The following RNF17 variants were observed in gnomAD, a reference collection of about 807,000 sequenced individuals.
The protein encoded by RNF17 is spermatogenesis associated 23.
In RNF17, 31 loss-of-function variants were observed where a neutral mutation model predicts 200.5. That is an observed-to-expected ratio of 0.15 (90% CI 0.12 to 0.21). The LOEUF is 0.21. Ranked by LOEUF, RNF17 falls within the 10% of genes least tolerant of loss-of-function variation. The pLI is 1.00. For missense variants in RNF17, 1,628 were observed against 1,905.1 expected, an observed-to-expected ratio of 0.85 and a Z score of 2.71; for synonymous variants, 606 against 637.8, an observed-to-expected ratio of 0.95 and a Z score of 0.75.
intron 25 of RNF17, among the ~76,000 whole-genome samples, chr13:24,856,844 T>C (rs972581762): frequency 6.6e-6 from 1 of 152,250 alleles, no homozygotes; most frequent in Non-Finnish European, 1.5e-5. Flanking sequence ...CTTGTTTTTC[T>C]TTAGGTGTAT....
At chr13:24,864,257 T>A (rs1222587074) in intron 28 of RNF17, among the ~76,000 whole-genome samples, 1 of 151,998 alleles carries the variant, frequency 6.6e-6, no homozygotes, top group Admixed American at 6.6e-5. Flanking sequence ...GAGGGAATGG[T>A]AAGAAGAGAT....
the RNF17 span, among the ~76,000 whole-genome samples, chr13:24,749,225 G>C: frequency 6.6e-6 from 1 of 151,932 alleles, no homozygotes; most frequent in South Asian, 2.1e-4. Context: ...GCAATATACA[G>C]GATTCCAGCT....
At position 24,830,688 on chromosome 13, in the gene RNF17, G is replaced by A. The variant is rs1027929590; in HGVS notation, c.2361+89G>A. On this transcript the variant is annotated intron_variant, in intron 17 of 35. Transcript: ENST00000255324. The stretch of plus-strand genomic sequence containing the variant: ...AGCTATTGTCATCATAGAAATGTTA[G>A]TGTCCCTTTTTGTCTAGTTGCTGAT... 7.4e-6 allele frequency: 7 copies of A among 945,346 alleles called. No individual in the cohort carries two copies. The Admixed American group carries it at 1.5e-4, about 21-fold the overall frequency. The allele number at this position is 945,346 out of a possible 1,614,324, so 58.6% of individuals were successfully genotyped here.
chr13:24,793,169 A>G lies in RNF17; in HGVS notation c.1063A>G (p.Ser355Gly). 6.2e-7 allele frequency: 1 copy of G among 1,614,102 alleles called. No homozygotes were observed. The highest frequency in any genetic ancestry group is 8.5e-7 in the Non-Finnish European group (1 of 1,179,968). The stretch of plus-strand genomic sequence containing the variant: ...AAAGGTTGACATGTCTGTCCTAACC[A>G]GTGAAGCACCACCACCTCCTTTGCA... ...KKKVDMSVLT[S>G]EAPPPPLQPE... Residue 355 changes from serine (S) to glycine (G), a missense_variant, in exon 10 of 36, where the codon AGT (serine) becomes GGT (glycine). By Grantham distance (56) the Ser-to-Gly change is moderately conservative. Coordinates refer to ENST00000255324, the MANE Select transcript of RNF17 (RefSeq NM_031277.3).
rs139736131 is a variant in RNF17 at position 24,843,194 on chromosome 13, C to T, written c.2604-550C>T. ...TTCCACTATAGGTCTCAAATGAGAGCGGAAAAGAAATGAGAATAAACATTC... is the reference window on the plus strand; with the variant it reads ...TTCCACTATAGGTCTCAAATGAGAGTGGAAAAGAAATGAGAATAAACATTC... On this transcript the variant is annotated intron_variant, in intron 19 of 35. Coordinates refer to ENST00000255324, the MANE Select transcript of RNF17 (RefSeq NM_031277.3). 2.4e-3 allele frequency among the ~76,000 whole-genome samples: 367 copies of T among 152,010 alleles called. 1 individual carries two copies. Among genetic ancestry groups the T allele is most frequent in the African/African-American group, 7.4e-3 (305 of 41,442 alleles).
chr13:24,805,848 C>T (rs947013874), intron 15 of RNF17, among the ~76,000 whole-genome samples: 1 of 152,030 alleles, frequency 6.6e-6, no homozygotes, highest in South Asian at 2.1e-4. Context: ...TTCTCCACAC[C>T]CTCATGAACA....
chr13:24,809,311 C>T (rs1160919804), intron 15 of RNF17, among the ~76,000 whole-genome samples: 1 of 151,786 alleles, frequency 6.6e-6, no homozygotes, highest in African/African-American at 2.4e-5. Flanking sequence ...TGATTATTGC[C>T]ACAATTTCAG....
downstream of RNF17, among the ~76,000 whole-genome samples, chr13:24,881,963 TAGATATATAGATACATCTAG>T (rs1953856289): frequency 4.0e-4 from 1 of 2,488 alleles, no homozygotes. Flanking sequence ...TAGATACATC[TAGATATATAGATACATCTAG>T]ATATATAGAT....
chr13:24,877,970 CCT>C (rs1199413078), intron 34 of RNF17, among the ~76,000 whole-genome samples: 1 of 152,122 alleles, frequency 6.6e-6, no homozygotes, highest in Non-Finnish European at 1.5e-5. Context: ...TATTTCTGGC[CCT>C]GATTAGATAT....
chr13:24,758,084 TG>T, the RNF17 span, among the ~76,000 whole-genome samples: 2 of 152,332 alleles, frequency 1.3e-5, no homozygotes, highest in African/African-American at 2.4e-5. Context: ...GAGGCCTCCC[TG>T]GAAGAATCCA....
rs35220494 is a variant in RNF17 at position 24,771,323 on chromosome 13, C to CTTTTTTTT, written c.226-3470_226-3463dup. Among the ~76,000 whole-genome samples, 327 of 77,998 alleles carry CTTTTTTTT rather than the reference C, an allele frequency of 4.2e-3. 40 individuals carry two copies. Among genetic ancestry groups the CTTTTTTTT allele is most frequent in the Middle Eastern group, 0.029 (3 of 104 alleles). The allele number at this position is 77,998 out of a possible 152,430, so 51.2% of individuals were successfully genotyped here. A position where few individuals can be genotyped will look rare whatever the true frequency, so the allele number is the denominator to read the frequency against. On this transcript the variant is annotated intron_variant, in intron 2 of 35. Transcript: ENST00000255324. ...GGGAGTACCACTGCACACAGATAAT[C>CTTTTTTTT]TTTTTTTTTTTTTTTTTTTTTTTTT...
chr13:24,772,526 A>C (rs906936237), intron 2 of RNF17, among the ~76,000 whole-genome samples: 16 of 151,094 alleles, frequency 1.1e-4, no homozygotes, highest in African/African-American at 3.4e-4. Context: ...TTTCTTGTTA[A>C]ATTTTCCTAA....
chr13:24,855,981 T>C (rs571221531), intron 25 of RNF17, among the ~76,000 whole-genome samples: 71 of 152,214 alleles, frequency 4.7e-4, no homozygotes, highest in Non-Finnish European at 8.8e-4. Flanking sequence ...TGAACACTTA[T>C]CCCTTCTTGG....
chr13:24,777,759 A>C (rs1016183564), intron 3 of RNF17, among the ~76,000 whole-genome samples: 1 of 152,222 alleles, frequency 6.6e-6, no homozygotes, highest in Non-Finnish European at 1.5e-5. Flanking sequence ...TTAAAACACA[A>C]TATATAAGCC....
chr13:24,881,153 CA>C (rs1367375939), downstream of RNF17, among the ~76,000 whole-genome samples: 4 of 151,070 alleles, frequency 2.6e-5, no homozygotes, highest in Non-Finnish European at 1.5e-5. Flanking sequence ...CATTTATCAA[CA>C]TTTTTTTTTT....
Position 24,824,192 on chromosome 13 carries a change from G to A in RNF17, c.2092-1427G>A, listed in dbSNP as rs764984166. 18 of 714,806 alleles carry A rather than the reference G, an allele frequency of 2.5e-5. 1 individual carries two copies. Among genetic ancestry groups the A allele is most frequent in the Non-Finnish European group, 4.2e-5 (16 of 384,134 alleles). 44.3% of individuals were successfully genotyped at this position (714,806 alleles called of 1,614,324 possible). ...GTTACTGTAAACTTTGGATTGCTTT[G>A]TAGAGATCTGATCTAATAAAGTTGG... On this transcript the variant is annotated intron_variant, in intron 15 of 35. Transcript: ENST00000255324.
intron 6 of RNF17, 143 bp downstream of exon 6, chr13:24,782,087 A>C (rs2137564655): frequency 1.5e-6 from 1 of 660,696 alleles, no homozygotes; most frequent in East Asian, 2.7e-5. Context: ...GGAAGTTGGT[A>C]GTCCCTACAG....
At chr13:24,832,708 C>T (rs1318152642) in intron 18 of RNF17, among the ~76,000 whole-genome samples, 1 of 151,882 alleles carries the variant, frequency 6.6e-6, no homozygotes. Context: ...ATGCCTGGCC[C>T]CAAGGGTTTT....
At chr13:24,827,720 A>AAAAAAAAAAAC (rs1566188490) in intron 16 of RNF17, among the ~76,000 whole-genome samples, 1 of 147,650 alleles carries the variant, frequency 6.8e-6, no homozygotes, top group African/African-American at 2.5e-5. Flanking sequence ...AAAAAAAACA[A>AAAAAAAAAAAC]AAAAAAAAAA....
Sources: gnomAD v4.1 joint callset for allele counts (sites outside exome capture counted in the v4.1 genomes callset) on GRCh38, gnomAD v4.1.1 for gene constraint, MANE v1.5 for transcripts, NCBI Gene and HGNC (gene_info 2026-07-23, HGNC 2026-07-21) for gene names.